The following DCDC1 variants were observed in gnomAD, a reference collection of about 807,000 sequenced individuals.
DCDC1 encodes doublecortin domain-containing protein 1.
A neutral mutation model predicts 178.3 loss-of-function variants in DCDC1; 200 were observed. The ratio of observed to expected loss-of-function variants is 1.12; its 90% CI spans 1.00 to 1.26. The LOEUF is 1.26. Ranked by LOEUF, DCDC1 falls within the 50% of genes most tolerant of loss-of-function variation. The pLI, the probability that DCDC1 is intolerant of heterozygous loss-of-function variation, is 0.00. For synonymous variants in DCDC1, 690 were observed against 604.8 expected (o/e 1.14, Z -2.07); for missense variants, 1,983 against 1,749.2 (o/e 1.13, Z -2.38).
chr11:30,992,378 G>A (rs965313215), intron 20 of DCDC1: 4 of 152,146 alleles, frequency 2.6e-5, no homozygotes, highest in East Asian at 1.9e-4. Context: ...AGCTCCCTGC[G>A]GCTGAATGAA....
chr11:31,232,236 C>A (rs187532840), intron 9 of DCDC1, among the ~76,000 whole-genome samples: 1 of 152,284 alleles, frequency 6.6e-6, no homozygotes, highest in East Asian at 1.9e-4. Flanking sequence ...TTTTAGAAAT[C>A]TTTTAATTAT....
chr11:31,071,593 CGTT>C (rs1956564568), intron 18 of DCDC1, among the ~76,000 whole-genome samples: 1 of 152,074 alleles, frequency 6.6e-6, no homozygotes, highest in African/African-American at 2.4e-5. Context: ...GCATTTTTGT[CGTT>C]GTTATATTTG....
intron 9 of DCDC1, among the ~76,000 whole-genome samples, chr11:31,213,515 T>C (rs557913341): frequency 3.5e-4 from 53 of 151,366 alleles, no homozygotes; most frequent in African/African-American, 1.2e-3. Flanking sequence ...AGGTCAGGAG[T>C]TTGAGACCAG....
At chr11:31,135,791 AT>A (rs1420347913) in intron 10 of DCDC1, among the ~76,000 whole-genome samples, 1 of 152,166 alleles carries the variant, frequency 6.6e-6, no homozygotes, top group Non-Finnish European at 1.5e-5. Context: ...TGCTAAAAAA[AT>A]AAAGATGATG....
rs573109618 is a variant in DCDC1 at position 31,333,570 on chromosome 11, C to T, written c.-7+1877G>A. Reference sequence around the variant, plus strand: ...CCTTCAGGAGCTCTTGTAAGGCAGGCCTGGTGGTGACAAAATCTCTCAGCA... The same window carrying T: ...CCTTCAGGAGCTCTTGTAAGGCAGGTCTGGTGGTGACAAAATCTCTCAGCA... On this transcript the variant is annotated intron_variant, in intron 2 of 38. Transcript: ENST00000684477. 3.3e-5 allele frequency among the ~76,000 whole-genome samples: 5 copies of T among 152,230 alleles called. No homozygotes were observed. In the South Asian group the frequency reaches 1.0e-3, roughly 32 times the overall value.
chr11:31,265,858 AT>A (rs1490105585), intron 7 of DCDC1, among the ~76,000 whole-genome samples: 1 of 149,352 alleles, frequency 6.7e-6, no homozygotes, highest in African/African-American at 2.4e-5. Flanking sequence ...CTGGTTATCT[AT>A]TATTTAATAT....
chr11:31,254,961 G>C (rs1056199951), intron 8 of DCDC1, among the ~76,000 whole-genome samples: 2 of 151,712 alleles, frequency 1.3e-5, no homozygotes, highest in African/African-American at 4.8e-5. Context: ...TTTCCCTCAG[G>C]CCATGACAAA....
At chr11:31,308,620 C>T (rs1948595717) in intron 3 of DCDC1, among the ~76,000 whole-genome samples, 2 of 152,050 alleles carry the variant, frequency 1.3e-5, no homozygotes, top group African/African-American at 2.4e-5. Context: ...GGTCACCCTA[C>T]TGGTATTTAG....
chr11:31,250,421 C>CATATATATATATATATATATACATATAT, intron 8 of DCDC1, among the ~76,000 whole-genome samples: 5 of 52,954 alleles, frequency 9.4e-5, no homozygotes, highest in Non-Finnish European at 1.9e-4. Flanking sequence ...CACACATATA[C>CATATATATATATATATATATACATATAT]ATATATATGT....
chr11:30,948,074 G>GCAGAT (rs1198970104), intron 21 of DCDC1, among the ~76,000 whole-genome samples: 4 of 152,132 alleles, frequency 2.6e-5, no homozygotes, highest in African/African-American at 9.7e-5. Context: ...GTCTCTGTTT[G>GCAGAT]CAGATAACAT....
At chr11:30,968,593 T>C (rs1279898187) in intron 20 of DCDC1, among the ~76,000 whole-genome samples, 1 of 150,084 alleles carries the variant, frequency 6.7e-6, no homozygotes, top group Non-Finnish European at 1.5e-5. Flanking sequence ...TTATCACTTA[T>C]GTTTATATAA....
rs139567355 is a variant in DCDC1 at position 30,990,031 on chromosome 11, T to C, written c.2592-37463A>G. ...GAAGGATGGTGTATCTCTACTCGAG[T>C]CAGCCCCAAAACCTGCCAAGAAAGA... On this transcript the variant is annotated intron_variant, in intron 20 of 38. Transcript: ENST00000684477. Among the ~76,000 whole-genome samples, 606 of 151,952 alleles carry C rather than the reference T, an allele frequency of 4.0e-3. 5 individuals carry two copies. Among genetic ancestry groups the C allele is most frequent in the African/African-American group, 0.014 (576 of 41,446 alleles).
intron 20 of DCDC1, among the ~76,000 whole-genome samples, chr11:31,060,223 G>A (rs924974102): frequency 1.3e-5 from 2 of 151,972 alleles, no homozygotes; most frequent in Non-Finnish European, 2.9e-5. Flanking sequence ...ATTGTAGCTG[G>A]ACATAATTAT....
At chr11:31,220,763 A>C (rs1974175035) in intron 9 of DCDC1, among the ~76,000 whole-genome samples, 1 of 152,188 alleles carries the variant, frequency 6.6e-6, no homozygotes, top group Non-Finnish European at 1.5e-5. Flanking sequence ...AATTCCATCG[A>C]CTGGATAGCT....
intron 9 of DCDC1, among the ~76,000 whole-genome samples, chr11:31,141,768 A>AT (rs1212200729): frequency 6.6e-6 from 1 of 152,168 alleles, no homozygotes; most frequent in Non-Finnish European, 1.5e-5. Flanking sequence ...AGCTGCAGGT[A>AT]TTTTTTTGGA....
intron 38 of DCDC1, among the ~76,000 whole-genome samples, chr11:30,873,114 TC>T (rs1941747365): frequency 6.6e-6 from 1 of 150,794 alleles, no homozygotes; most frequent in South Asian, 2.1e-4. Flanking sequence ...TCTCTCTCTC[TC>T]TCTCTATCTT....
intron 21 of DCDC1, among the ~76,000 whole-genome samples, chr11:30,938,315 T>G (rs934543566): frequency 6.6e-6 from 1 of 152,154 alleles, no homozygotes; most frequent in Non-Finnish European, 1.5e-5. Context: ...TGCTGTGCCC[T>G]GGCTCCCTCC....
intron 20 of DCDC1, among the ~76,000 whole-genome samples, chr11:31,059,340 T>C (rs1044206042): frequency 2.3e-4 from 35 of 152,200 alleles, no homozygotes; most frequent in South Asian, 1.9e-3. Context: ...GGCAACAGTA[T>C]CAGCCAATAT....
Position 30,871,953 on chromosome 11 carries a change from T to C in DCDC1, c.*40+6591A>G, listed in dbSNP as rs549516411. On this transcript the variant is annotated intron_variant, in intron 38 of 38. Coordinates refer to ENST00000684477, the MANE Select transcript of DCDC1 (RefSeq NM_001387274.1). Reference sequence around the variant, plus strand: ...ACATACACACACACATACATATATATACATTGCAGTGGGAAGCCAGTAAGA... The same window carrying C: ...ACATACACACACACATACATATATACACATTGCAGTGGGAAGCCAGTAAGA... Among the ~76,000 whole-genome samples, 9 of 152,152 alleles carry C rather than the reference T, an allele frequency of 5.9e-5. No homozygotes were observed. In the East Asian group the frequency reaches 1.2e-3, roughly 20 times the overall value.
Sources: allele counts gnomAD v4.1 joint callset (sites outside exome capture counted in the v4.1 genomes callset), GRCh38; gene constraint gnomAD v4.1.1; transcripts MANE v1.5; gene names NCBI Gene and HGNC (gene_info 2026-07-23, HGNC 2026-07-21).